TSC22D2: variants seen among roughly 807,000 people sequenced by gnomAD.
The protein encoded by TSC22D2 is TSC22 domain family protein 2.
A neutral mutation model predicts 50.1 loss-of-function variants in TSC22D2; 5 were observed. The observed-to-expected ratio is 0.10, with a 90% confidence interval of 0.05 to 0.21. TSC22D2 has a LOEUF of 0.21. Among genes scored for constraint, TSC22D2 ranks in the 10% least tolerant of loss-of-function variants. The pLI is 1.00. For missense variants in TSC22D2, 1,003 were observed against 1,015.5 expected (o/e 0.99, Z 0.17); for synonymous variants, 501 against 450.1 (o/e 1.11, Z -1.43).
At chr3:150,445,305 C>T (rs996675892) in intron 1 of TSC22D2, among the ~76,000 whole-genome samples, 8 of 136,730 alleles carry the variant, frequency 5.9e-5, no homozygotes, top group Non-Finnish European at 1.1e-4. Flanking sequence ...AAGAGCAAGA[C>T]TCTGTCTCAA....
At chr3:150,427,330 A>G (rs1385937985) in intron 1 of TSC22D2, among the ~76,000 whole-genome samples, 2 of 152,050 alleles carry the variant, frequency 1.3e-5, no homozygotes, top group Admixed American at 1.3e-4. Flanking sequence ...TGTCCTCTTC[A>G]TGCCCCCCAT....
rs77769378 is a variant in TSC22D2, at chr3:150,414,583, C to T, written c.1958+3275C>T. The stretch of plus-strand genomic sequence containing the variant: ...CCTTTGGTGGCAGATATTTCTATGT[C>T]TTGTTAATGGTTTTATTTGTGTGGT... On this transcript the variant is annotated intron_variant, in intron 1 of 2. Transcript: ENST00000688009. Among the ~76,000 whole-genome samples the T allele has an allele frequency of 4.9e-3, 752 of 152,114 alleles. 7 individuals carry two copies. Among genetic ancestry groups the T allele is most frequent in the African/African-American group, 0.017 (707 of 41,496 alleles).
At chr3:150,439,770 G>T (rs10513369) in intron 1 of TSC22D2, among the ~76,000 whole-genome samples, 22,583 of 152,052 alleles carry the variant, frequency 0.15, 1,865 homozygotes, top group Non-Finnish European at 0.2. Flanking sequence ...ATCCTTGTTA[G>T]ACACCTAAGT....
chr3:150,448,774 T>C (rs888518841), intron 1 of TSC22D2, among the ~76,000 whole-genome samples: 1 of 151,842 alleles, frequency 6.6e-6, no homozygotes, highest in Non-Finnish European at 1.5e-5. Flanking sequence ...AGTAATTTTA[T>C]CAGAATTTTA....
rs559261897 is a variant in TSC22D2 at position 150,461,728 on chromosome 3, T to G, written c.*3092T>G. ...CCTATGCTAATTAGAAGTATTGAGA[T>G]AACGTTTTATAATCAAGCCTCCAGT... On this transcript the variant is annotated 3_prime_UTR_variant, in exon 3 of 3. Transcript: ENST00000688009. The G allele has an allele frequency of 1.3e-5, 2 of 152,140 alleles. No homozygotes were observed. Among genetic ancestry groups the G allele is most frequent in the Admixed American group, 1.3e-4 (2 of 15,266 alleles). The allele number at this position is 152,140 out of a possible 1,614,324, so 9.4% of individuals were successfully genotyped here. A position where few individuals can be genotyped will look rare whatever the true frequency, so the allele number is the denominator to read the frequency against.
chr3:150,451,187 A>G (rs941317262), intron 1 of TSC22D2, among the ~76,000 whole-genome samples: 3 of 152,240 alleles, frequency 2.0e-5, no homozygotes, highest in Non-Finnish European at 4.4e-5. Flanking sequence ...TTGTAACTCA[A>G]TGCAAAGTTA....
chr3:150,439,862 A>G (rs1033019478), intron 1 of TSC22D2, among the ~76,000 whole-genome samples: 3 of 152,174 alleles, frequency 2.0e-5, no homozygotes, highest in Non-Finnish European at 2.9e-5. Context: ...GTTACTATAA[A>G]TGCCCATTAG....
chr3:150,426,480 G>C (rs1213374622), intron 1 of TSC22D2, among the ~76,000 whole-genome samples: 1 of 152,126 alleles, frequency 6.6e-6, no homozygotes, highest in African/African-American at 2.4e-5. Flanking sequence ...CAGCGTAAGG[G>C]TTTATAGCAA....
intron 1 of TSC22D2, among the ~76,000 whole-genome samples, chr3:150,445,189 C>T (rs959194612): frequency 2.6e-5 from 4 of 151,766 alleles, no homozygotes; most frequent in East Asian, 1.9e-4. Context: ...GTCCAGTCCA[C>T]GGGAATCCTG....
rs761235903 is a variant in TSC22D2, at chr3:150,410,813, G to T, written c.1463G>T (p.Gly488Val). 1 of 1,613,376 alleles carries T rather than the reference G, an allele frequency of 6.2e-7. No homozygotes were observed. The highest frequency in any genetic ancestry group is 1.1e-5 in the South Asian group (1 of 91,048). ...PQSVPPPQMG[G>V]SGPLSAVPGG... ...TCCGTGCCTCCGCCGCAGATGGGTGGCAGTGGTCCGCTGTCAGCCGTACCT... is the reference window on the plus strand; with the variant it reads ...TCCGTGCCTCCGCCGCAGATGGGTGTCAGTGGTCCGCTGTCAGCCGTACCT... Residue 488 changes from glycine to valine, a missense_variant, in exon 1 of 3, where the codon GGC (glycine) becomes GTC (valine). Physicochemically the swap from Gly to Val is moderately radical, Grantham distance 109. Around this residue, in one of 6 missense-constraint regions of TSC22D2, gnomAD observed 696 missense variants for 647.8 expected, o/e 1.07. Coordinates refer to ENST00000688009, the MANE Select transcript of TSC22D2 (RefSeq NM_001303264.2).
intron 1 of TSC22D2, among the ~76,000 whole-genome samples, chr3:150,440,801 T>G (rs547644949): frequency 7.9e-4 from 120 of 152,002 alleles, no homozygotes; most frequent in Non-Finnish European, 1.3e-3. Flanking sequence ...TGGTTTAATT[T>G]TACTCTCCAA....
intron 1 of TSC22D2, among the ~76,000 whole-genome samples, chr3:150,414,327 A>C (rs1355056116): frequency 6.6e-6 from 1 of 152,220 alleles, no homozygotes; most frequent in East Asian, 1.9e-4. Context: ...TTTATAGTGA[A>C]CTTTACAAAA....
Position 150,410,580 on chromosome 3 carries a change from C to T in TSC22D2, c.1230C>T (p.Thr410=), listed in dbSNP as rs772167927. 9.6e-6 allele frequency: 15 copies of T among 1,555,410 alleles called. No individual in the cohort carries two copies. In the Admixed American group the frequency reaches 1.2e-4, roughly 12 times the overall value. ...GAAASPATAA[T]LPVGTGQNAS... The stretch of plus-strand genomic sequence containing the variant: ...CAGCGAGCCCCGCCACGGCGGCCAC[C>T]CTTCCCGTGGGCACCGGCCAGAATG... Residue 410 remains threonine, a synonymous_variant, in exon 1 of 3, where the codon ACC becomes ACT. Coordinates refer to ENST00000688009, the MANE Select transcript of TSC22D2 (RefSeq NM_001303264.2).
intron 1 of TSC22D2, among the ~76,000 whole-genome samples, chr3:150,441,797 T>G (rs544691630): frequency 6.6e-6 from 1 of 152,266 alleles, no homozygotes; most frequent in Non-Finnish European, 1.5e-5. Context: ...GAATGCTGTC[T>G]TCTTACATTC....
chr3:150,414,629 AATATT>A (rs1287173526), intron 1 of TSC22D2, among the ~76,000 whole-genome samples: 1 of 152,132 alleles, frequency 6.6e-6, no homozygotes, highest in Non-Finnish European at 1.5e-5. Flanking sequence ...TCACTGATAA[AATATT>A]ATACATTGTG....
At chr3:150,437,721 T>C (rs530756145) in intron 1 of TSC22D2, among the ~76,000 whole-genome samples, 1 of 151,942 alleles carries the variant, frequency 6.6e-6, no homozygotes, top group Admixed American at 6.6e-5. Flanking sequence ...GGCAGGAGAA[T>C]TGCTTGAACC....
At chr3:150,427,396 C>T (rs1433306325) in intron 1 of TSC22D2, among the ~76,000 whole-genome samples, 1 of 152,054 alleles carries the variant, frequency 6.6e-6, no homozygotes, top group Non-Finnish European at 1.5e-5. Flanking sequence ...TAGGACCATA[C>T]ACTATGTGTT....
Position 150,464,734 on chromosome 3 carries a change from A to G in TSC22D2, c.*6098A>G, listed in dbSNP as rs1444263737. 2 of 152,202 alleles carry G rather than the reference A, an allele frequency of 1.3e-5. No individual in the cohort carries two copies. Among genetic ancestry groups the G allele is most frequent in the Non-Finnish European group, 2.9e-5 (2 of 68,026 alleles). 9.4% of individuals were successfully genotyped at this position (152,202 alleles called of 1,614,324 possible). On this transcript the variant is annotated 3_prime_UTR_variant, in exon 3 of 3. Coordinates refer to ENST00000688009, the MANE Select transcript of TSC22D2 (RefSeq NM_001303264.2). The stretch of plus-strand genomic sequence containing the variant: ...CACCAGAAAGCTTTAACATCAAATA[A>G]TACTTTTAGAAGGAGGGGAAAAGCC...
chr3:150,446,269 C>T (rs1393659700), intron 1 of TSC22D2, among the ~76,000 whole-genome samples: 2 of 152,066 alleles, frequency 1.3e-5, no homozygotes, highest in Non-Finnish European at 2.9e-5. Context: ...ATACTTTAGA[C>T]AAGAGATAAT....
Sources: gnomAD v4.1 joint callset for allele counts (sites outside exome capture counted in the v4.1 genomes callset) on GRCh38, gnomAD v4.1.1 for gene constraint, gnomAD v4.1.1 regional missense constraint, MANE v1.5 for transcripts, NCBI Gene and HGNC (gene_info 2026-07-23, HGNC 2026-07-21) for gene names.